Variants in PBX4 observed in about 807,000 individuals in gnomAD.
PBX4 encodes pre-B-cell leukemia transcription factor 4.
PBX4 carries 26 observed loss-of-function variants against 35.1 expected under a neutral mutation model. The observed-to-expected ratio is 0.74, with a 90% CI of 0.54 to 1.03. The LOEUF is 1.03. Ranked by LOEUF, PBX4 falls within the 50% of genes least tolerant of loss-of-function variation. The pLI is 0.00. For missense variants in PBX4, 448 were observed against 504.3 expected (o/e 0.89, Z 1.07); for synonymous variants, 199 against 204.2 (o/e 0.97, Z 0.22).
intron 1 of PBX4, among the ~76,000 whole-genome samples, chr19:19,610,747 T>A (rs1289093247): frequency 4.8e-4 from 73 of 152,184 alleles, no homozygotes. Context: ...AGAGCAAGAC[T>A]CTGTGTCAAA....
intron 2 of PBX4, among the ~76,000 whole-genome samples, chr19:19,589,605 A>C (rs2144751691): frequency 6.6e-6 from 1 of 152,060 alleles, no homozygotes; most frequent in Non-Finnish European, 1.5e-5. Flanking sequence ...TCCCATCTCT[A>C]CTAAAAATAC....
chr19:19,611,838 A>G (rs944763191), intron 1 of PBX4, among the ~76,000 whole-genome samples: 3 of 151,980 alleles, frequency 2.0e-5, no homozygotes, highest in Non-Finnish European at 4.4e-5. Flanking sequence ...CTAAAACATT[A>G]TAACAGTGAG....
chr19:19,607,604 C>T (rs1737834042), intron 1 of PBX4, among the ~76,000 whole-genome samples: 1 of 152,128 alleles, frequency 6.6e-6, no homozygotes, highest in South Asian at 2.1e-4. Context: ...CTCATTTATT[C>T]AATATTTATG....
chr19:19,618,127 C>T (rs962491989), intron 1 of PBX4, among the ~76,000 whole-genome samples: 1 of 152,146 alleles, frequency 6.6e-6, no homozygotes, highest in African/African-American at 2.4e-5. Context: ...CGCCACTGCA[C>T]TCCAGCCTGG....
rs1217564562 is a variant in PBX4 at position 19,581,465 on chromosome 19, C to T, written c.194-10632G>A. Among the ~76,000 whole-genome samples, 4 of 152,236 alleles carry T rather than the reference C, an allele frequency of 2.6e-5. No homozygotes were observed. In the South Asian group the frequency reaches 6.2e-4, roughly 24 times the overall value. ...GAGAGTAAACCTATTTCCTCGCACGCATCTGTAGGATGCCTGCTTCCCCTC... is the reference window on the plus strand; with the variant it reads ...GAGAGTAAACCTATTTCCTCGCACGTATCTGTAGGATGCCTGCTTCCCCTC... On this transcript the variant is annotated intron_variant, in intron 2 of 7. Coordinates refer to ENST00000251203, the MANE Select transcript of PBX4 (RefSeq NM_025245.3).
chr19:19,570,425 G>T, intron 3 of PBX4, 126 bp from the exon 4 acceptor site: 1 of 1,434,906 alleles, frequency 7.0e-7, no homozygotes, highest in Non-Finnish European at 9.4e-7. Flanking sequence ...TGACTGTTAA[G>T]TAAATGGAAA....
At chr19:19,584,622 G>GTTTT (rs1491541483) in intron 2 of PBX4, among the ~76,000 whole-genome samples, 1 of 149,394 alleles carries the variant, frequency 6.7e-6, no homozygotes, top group Admixed American at 6.8e-5. Flanking sequence ...ACCAAGGGCT[G>GTTTT]GTTTTTTTTT....
intron 2 of PBX4, among the ~76,000 whole-genome samples, chr19:19,586,346 A>G (rs181778107): frequency 6.6e-6 from 1 of 152,190 alleles, no homozygotes; most frequent in East Asian, 1.9e-4. Flanking sequence ...CTGGGAAGTC[A>G]AGAATGCATT....
intron 1 of PBX4, among the ~76,000 whole-genome samples, chr19:19,613,376 G>A (rs1036158593): frequency 2.0e-5 from 3 of 148,906 alleles, no homozygotes; most frequent in African/African-American, 7.4e-5. Context: ...GCTGAGGCAG[G>A]AGAATCTCTT....
rs2061372643 is a variant in PBX4, at chr19:19,570,207, GA to G, written c.533del (p.Val178AlafsTer15). On this transcript the variant is annotated frameshift_variant, in exon 4 of 8. Coordinates refer to ENST00000251203, the MANE Select transcript of PBX4 (RefSeq NM_025245.3). LOFTEE classifies it high-confidence loss of function. ...CGCTGAACTTGCCGTGAATGGCGCC[GA>G]CCATGCGCTCAATCTCCTTAGGGGA... Reference protein sequence around the residue: ...PVSPKEIERMVGAIHGKFSAI... With the variant: ...PVSPKEIERMXGAIHGKFSAI... The G allele has an allele frequency of 2.5e-6, 4 of 1,614,114 alleles. No individual in the cohort carries two copies. In the East Asian group the frequency reaches 8.9e-5, roughly 36 times the overall value.
intron 1 of PBX4, among the ~76,000 whole-genome samples, chr19:19,613,445 CAAA>C (rs57256131): frequency 0.014 from 1,579 of 112,908 alleles, 4 homozygotes; most frequent in African/African-American, 0.043. Flanking sequence ...GACTCTGTCT[CAAA>C]AAAAAAAAAA....
At chr19:19,565,204 C>T (rs537616615) in intron 5 of PBX4, 115 bp from the exon 6 acceptor site, 2 of 1,242,704 alleles carry the variant, frequency 1.6e-6, no homozygotes, top group Middle Eastern at 1.9e-4. Flanking sequence ...GACAACACTG[C>T]ACCCTGGGGC....
intron 1 of PBX4, among the ~76,000 whole-genome samples, chr19:19,613,445 C>CAAAAAAAA: frequency 8.8e-6 from 1 of 113,624 alleles, no homozygotes; most frequent in Non-Finnish European, 2.0e-5. Context: ...GACTCTGTCT[C>CAAAAAAAA]AAAAAAAAAA....
In PBX4 at chr19:19,564,753, T is replaced by A. The variant is rs2061330470; in HGVS notation, c.925+180A>T. The A allele has an allele frequency of 9.6e-6, 7 of 731,332 alleles. No individual in the cohort carries two copies. In the East Asian group the frequency reaches 1.8e-4, roughly 19 times the overall value. 45.3% of individuals were successfully genotyped at this position (731,332 alleles called of 1,614,324 possible). Reference sequence around the variant, plus strand: ...CCATTCTGTCCCCAAAGCACAGGTATCTGTTGGTTGGGATCATGGCCAAGA... The same window carrying A: ...CCATTCTGTCCCCAAAGCACAGGTAACTGTTGGTTGGGATCATGGCCAAGA... On this transcript the variant is annotated intron_variant, in intron 6 of 7. Coordinates refer to ENST00000251203, the MANE Select transcript of PBX4 (RefSeq NM_025245.3).
intron 2 of PBX4, among the ~76,000 whole-genome samples, chr19:19,577,210 A>C (rs1056100517): frequency 4.6e-5 from 7 of 152,020 alleles, no homozygotes; most frequent in African/African-American, 1.2e-4. Context: ...AAAAAAAAAA[A>C]AACTCTCAAA....
At chr19:19,605,245 G>A (rs8099944) in intron 1 of PBX4, among the ~76,000 whole-genome samples, 66,943 of 149,682 alleles carry the variant, frequency 0.45, 15,422 homozygotes, top group African/African-American at 0.55. Flanking sequence ...GTGAAACCCC[G>A]TCTCTACTAA....
chr19:19,595,243 G>T (rs2144762625), intron 2 of PBX4, among the ~76,000 whole-genome samples: 1 of 152,146 alleles, frequency 6.6e-6, no homozygotes, highest in East Asian at 1.9e-4. Flanking sequence ...AAAGTGAAAG[G>T]GACCAACATT....
chr19:19,598,848 G>A (rs182602519), intron 2 of PBX4, among the ~76,000 whole-genome samples: 1 of 151,380 alleles, frequency 6.6e-6, no homozygotes, highest in East Asian at 1.9e-4. Flanking sequence ...GGCCCACCAT[G>A]CACATAAGGG....
intron 1 of PBX4, among the ~76,000 whole-genome samples, chr19:19,615,765 C>T (rs1393202683): frequency 6.6e-6 from 1 of 152,156 alleles, no homozygotes; most frequent in African/African-American, 2.4e-5. Context: ...GGGCGTATGC[C>T]TGTAGTCCCG....
Sources: allele counts gnomAD v4.1 joint callset (sites outside exome capture counted in the v4.1 genomes callset), GRCh38; gene constraint gnomAD v4.1.1; transcripts MANE v1.5; gene names NCBI Gene and HGNC (gene_info 2026-07-23, HGNC 2026-07-21).